Variants in CARMIL1 observed in about 807,000 individuals in gnomAD.
The protein encoded by CARMIL1 is capping protein regulator and myosin 1 linker 1, also known as F-actin-uncapping protein LRRC16A.
Under a neutral mutation model 177.1 loss-of-function variants are expected in CARMIL1, and 90 were observed. The ratio of observed to expected loss-of-function variants is 0.51; its 90% CI spans 0.43 to 0.61. CARMIL1 has a LOEUF of 0.61. CARMIL1 is among the 20% of genes least tolerant of loss of function. The pLI is 0.00. For synonymous variants in CARMIL1, 577 were observed against 606.2 expected (o/e 0.95, Z 0.71); for missense variants, 1,380 against 1,667.0 (o/e 0.83, Z 3.00).
chr6:25,567,468 C>T (rs1297823244), intron 29 of CARMIL1, among the ~76,000 whole-genome samples: 1 of 152,142 alleles, frequency 6.6e-6, no homozygotes, highest in African/African-American at 2.4e-5. Flanking sequence ...AGGACTCTGC[C>T]CCTGGAAGCT....
intron 4 of CARMIL1, among the ~76,000 whole-genome samples, chr6:25,431,197 C>A (rs1300344837): frequency 1.3e-5 from 2 of 152,120 alleles, no homozygotes; most frequent in East Asian, 3.9e-4. Flanking sequence ...CCTATTTCAT[C>A]GACTTTTGCT....
At chr6:25,475,344 T>C (rs1254442948) in intron 11 of CARMIL1, among the ~76,000 whole-genome samples, 1 of 149,750 alleles carries the variant, frequency 6.7e-6, no homozygotes, top group African/African-American at 2.5e-5. Flanking sequence ...GAGCTTGCAG[T>C]GAGCCAAGAT....
Position 25,488,397 on chromosome 6 carries a change from G to T in CARMIL1, c.962-85G>T, listed in dbSNP as rs1177604056. The T allele has an allele frequency of 5.3e-6, 5 of 940,882 alleles. No homozygotes were observed. The East Asian group carries it at 1.2e-4, about 23-fold the overall frequency. 58.3% of individuals were successfully genotyped at this position (940,882 alleles called of 1,614,324 possible). Reference sequence around the variant, plus strand: ...GTTAACCTCAGTCCTGCAATTTGATGGAAGTGTTGGGCCATTTATAGAAAC... The same window carrying T: ...GTTAACCTCAGTCCTGCAATTTGATTGAAGTGTTGGGCCATTTATAGAAAC... On this transcript the variant is annotated intron_variant, in intron 12 of 36. Transcript: ENST00000329474.
rs112844891 is a variant in CARMIL1 at position 25,366,161 on chromosome 6, T to TAA, written c.139-53940_139-53939dup. ...GTGTGTACTACCATGCCTGGCTAAT[T>TAA]AAAAAAAAAAAAAATTGTAGAGATG... is the stretch of plus-strand genomic sequence containing the variant. On this transcript the variant is annotated intron_variant, in intron 2 of 36. Coordinates refer to ENST00000329474, the MANE Select transcript of CARMIL1 (RefSeq NM_017640.6). Among the ~76,000 whole-genome samples the TAA allele has an allele frequency of 6.9e-5, 10 of 144,502 alleles. No homozygotes were observed. The East Asian group carries it at 8.0e-4, about 12-fold the overall frequency. 94.8% of individuals were successfully genotyped at this position (144,502 alleles called of 152,430 possible). A position where few individuals can be genotyped will look rare whatever the true frequency, so the allele number is the denominator to read the frequency against.
intron 2 of CARMIL1, among the ~76,000 whole-genome samples, chr6:25,329,666 C>A (rs919445879): frequency 3.3e-5 from 5 of 152,164 alleles, no homozygotes; most frequent in South Asian, 2.1e-4. Flanking sequence ...TTGGAGAAGT[C>A]AAACAAGAAT....
chr6:25,390,320 A>ATATATATTTTTTT (rs1554184839), intron 2 of CARMIL1, among the ~76,000 whole-genome samples: 2 of 58,100 alleles, frequency 3.4e-5, no homozygotes, highest in Admixed American at 2.3e-4. Flanking sequence ...ATATATATAT[A>ATATATATTTTTTT]TTTTTTTTTT....
chr6:25,452,480 G>T lies in CARMIL1; in HGVS notation c.614+1769G>T, dbSNP rs1030042380. The T allele has an allele frequency of 3.7e-5, 14 of 373,972 alleles. No homozygotes were observed. The South Asian group carries it at 9.5e-4, about 25-fold the overall frequency. 23.2% of individuals were successfully genotyped at this position (373,972 alleles called of 1,614,324 possible). On this transcript the variant is annotated intron_variant, in intron 8 of 36. Coordinates refer to ENST00000329474, the MANE Select transcript of CARMIL1 (RefSeq NM_017640.6). The stretch of plus-strand genomic sequence containing the variant: ...TCCCTTTACAATCTTAAAAATGATC[G>T]ATCTTTGGTTTTTGTGGGTCAAAAC...
intron 9 of CARMIL1, among the ~76,000 whole-genome samples, chr6:25,468,371 C>A (rs1243204712): frequency 1.3e-5 from 2 of 151,922 alleles, no homozygotes; most frequent in Non-Finnish European, 2.9e-5. Context: ...CATGCTGGCA[C>A]CAGATAATGT....
chr6:25,369,025 A>C (rs956303401), intron 2 of CARMIL1, among the ~76,000 whole-genome samples: 2 of 152,252 alleles, frequency 1.3e-5, no homozygotes, highest in Non-Finnish European at 2.9e-5. Context: ...AACCCCTTAC[A>C]TGATTAGATC....
chr6:25,526,247 G>T (rs918135207), intron 23 of CARMIL1, among the ~76,000 whole-genome samples: 3 of 151,970 alleles, frequency 2.0e-5, no homozygotes, highest in African/African-American at 7.2e-5. Flanking sequence ...GGAGGCTGAG[G>T]CGGGAGAATG....
At chr6:25,481,115 A>G (rs1039623821) in intron 11 of CARMIL1, among the ~76,000 whole-genome samples, 6 of 146,548 alleles carry the variant, frequency 4.1e-5, no homozygotes, top group African/African-American at 1.5e-4. Context: ...TTTTTTTTTT[A>G]CAAGAGTGTA....
At chr6:25,487,250 C>T (rs1363218966) in intron 12 of CARMIL1, among the ~76,000 whole-genome samples, 1 of 152,158 alleles carries the variant, frequency 6.6e-6, no homozygotes, top group Non-Finnish European at 1.5e-5. Flanking sequence ...GAAGGCTGCA[C>T]CTGCACCCCA....
intron 2 of CARMIL1, among the ~76,000 whole-genome samples, chr6:25,361,453 T>C (rs1013903359): frequency 1.3e-5 from 2 of 152,194 alleles, no homozygotes; most frequent in African/African-American, 4.8e-5. Flanking sequence ...AAAATTCATT[T>C]ATATGACTTT....
chr6:25,415,323 C>A (rs1795261272), intron 2 of CARMIL1, among the ~76,000 whole-genome samples: 1 of 152,034 alleles, frequency 6.6e-6, no homozygotes, highest in African/African-American at 2.4e-5. Context: ...CCACCACACC[C>A]AGCTCTCCTC....
chr6:25,342,730 T>C (rs1562009737), intron 2 of CARMIL1, among the ~76,000 whole-genome samples: 1 of 152,220 alleles, frequency 6.6e-6, no homozygotes, highest in Non-Finnish European at 1.5e-5. Context: ...GTATTTCTTA[T>C]AGTTTCTCTA....
intron 2 of CARMIL1, among the ~76,000 whole-genome samples, chr6:25,371,676 G>A (rs532741741): frequency 1.0e-3 from 158 of 152,304 alleles, no homozygotes; most frequent in South Asian, 6.8e-3. Context: ...TTTGTAGGAT[G>A]CATAGTTTGC....
At chr6:25,501,195 T>TCCCTTCTCCATTCC (rs2151022176) in intron 17 of CARMIL1, among the ~76,000 whole-genome samples, 1 of 152,252 alleles carries the variant, frequency 6.6e-6, no homozygotes, top group South Asian at 2.1e-4. Flanking sequence ...TCAAGCTTTA[T>TCCCTTCTCCATTCC]CCCTTCTTCC....
intron 36 of CARMIL1, among the ~76,000 whole-genome samples, chr6:25,618,092 A>T (rs1759430847): frequency 6.6e-6 from 1 of 152,198 alleles, no homozygotes; most frequent in African/African-American, 2.4e-5. Context: ...AATGTCATTA[A>T]CTAAAGATTT....
chr6:25,316,423 C>CTT lies in CARMIL1; in HGVS notation c.138+31527_138+31528dup, dbSNP rs36000746. On this transcript the variant is annotated intron_variant, in intron 2 of 36. Transcript: ENST00000329474. ...ATGAGATAGTTTATATTCCAGAGGG[C>CTT]TTTTTTTTTTTTTTGAGACGGAGTC... 4.1e-4 allele frequency among the ~76,000 whole-genome samples: 57 copies of CTT among 140,402 alleles called. 1 individual carries two copies. The highest frequency in any genetic ancestry group is 1.9e-3 in the Admixed American group (27 of 14,170). The allele number at this position is 140,402 out of a possible 152,430, so 92.1% of individuals were successfully genotyped here.
Sources: gnomAD v4.1 joint callset for allele counts (sites outside exome capture counted in the v4.1 genomes callset) on GRCh38, gnomAD v4.1.1 for gene constraint, MANE v1.5 for transcripts, NCBI Gene and HGNC (gene_info 2026-07-23, HGNC 2026-07-21) for gene names.